Variants in TSHZ3 observed in about 807,000 individuals in gnomAD.
TSHZ3 encodes teashirt zinc finger homeobox 3, also known as teashirt homolog 3.
A neutral mutation model predicts 64.5 loss-of-function variants in TSHZ3; 10 were observed. The ratio of observed to expected loss-of-function variants is 0.16; its 90% CI spans 0.10 to 0.26. The LOEUF is 0.26. TSHZ3 is among the 10% of genes least tolerant of loss of function. The pLI, the probability that TSHZ3 is intolerant of heterozygous loss-of-function variation, is 1.00. For synonymous variants in TSHZ3, 608 were observed against 593.1 expected, an observed-to-expected ratio of 1.03 and a Z score of -0.36; for missense variants, 1,242 against 1,421.7, an observed-to-expected ratio of 0.87 and a Z score of 2.03.
intron 4 of TSHZ3, among the ~76,000 whole-genome samples, chr19:31,213,706 A>G (rs1468907306): frequency 1.3e-5 from 2 of 152,310 alleles, no homozygotes; most frequent in East Asian, 1.9e-4. Flanking sequence ...CTTGTGAACC[A>G]AAAACTGAAA....
chr19:31,339,408 C>A (rs114007098), intron 1 of TSHZ3, among the ~76,000 whole-genome samples: 1,831 of 152,166 alleles, frequency 0.012, 38 homozygotes, highest in African/African-American at 0.041. Flanking sequence ...GGCTCTACCC[C>A]CTTCTCCCCT....
intron 1 of TSHZ3, among the ~76,000 whole-genome samples, chr19:31,318,138 T>A (rs546690918): frequency 6.6e-6 from 1 of 152,262 alleles, no homozygotes; most frequent in Non-Finnish European, 1.5e-5. Context: ...CAAAATGTTC[T>A]TGCATAAAAC....
intron 4 of TSHZ3, among the ~76,000 whole-genome samples, chr19:31,212,076 T>C (rs77341905): frequency 6.6e-6 from 1 of 151,520 alleles, no homozygotes; most frequent in Non-Finnish European, 1.5e-5. Flanking sequence ...TTTGATACCA[T>C]AGGAAATTTT....
chr19:31,163,632 G>A (rs1392426817), intron 5 of TSHZ3, among the ~76,000 whole-genome samples: 4 of 152,220 alleles, frequency 2.6e-5, no homozygotes, highest in African/African-American at 7.2e-5. Flanking sequence ...TTGGGAGGCT[G>A]AGGCATGAAA....
intron 5 of TSHZ3, among the ~76,000 whole-genome samples, chr19:31,165,004 G>A (rs1308824737): frequency 1.3e-5 from 2 of 152,218 alleles, no homozygotes; most frequent in East Asian, 1.9e-4. Flanking sequence ...CCACCCTGCC[G>A]AGCCCGTCCC....
intron 1 of TSHZ3, among the ~76,000 whole-genome samples, chr19:31,301,955 G>A (rs55662056): frequency 0.038 from 5,762 of 152,078 alleles, 173 homozygotes; most frequent in African/African-American, 0.081. Flanking sequence ...GTCCCTAGGC[G>A]CCTGTTACAT....
At chr19:31,273,038 CAG>C (rs1293827901), downstream of TSHZ3, among the ~76,000 whole-genome samples, 1 of 152,198 alleles carries the variant, frequency 6.6e-6, no homozygotes, top group Non-Finnish European at 1.5e-5. Context: ...TGTCTTATCT[CAG>C]GGAAACCAGG....
intron 1 of TSHZ3, 56 bp downstream of exon 1, chr19:31,349,124 G>C (rs1461565687): frequency 3.3e-6 from 5 of 1,520,966 alleles, no homozygotes; most frequent in Non-Finnish European, 3.5e-6. Context: ...CTGGAGGCGC[G>C]GGGCGAGCGG....
intron 1 of TSHZ3, among the ~76,000 whole-genome samples, chr19:31,310,771 A>G (rs1599640844): frequency 2.6e-5 from 4 of 152,326 alleles, no homozygotes; most frequent in African/African-American, 9.6e-5. Flanking sequence ...TGAGAATGAA[A>G]GTCCTCTCTT....
intron 5 of TSHZ3, among the ~76,000 whole-genome samples, chr19:31,169,239 A>T (rs1289740140): frequency 6.6e-6 from 1 of 152,246 alleles, no homozygotes; most frequent in Non-Finnish European, 1.5e-5. Flanking sequence ...TCCTCAAAAT[A>T]TTAAACATAG....
chr19:31,186,592 T>C (rs1030199505), intron 5 of TSHZ3, among the ~76,000 whole-genome samples: 1 of 152,226 alleles, frequency 6.6e-6, no homozygotes, highest in Non-Finnish European at 1.5e-5. Flanking sequence ...GTCTTGAATA[T>C]GTCTTTATTA....
At chr19:31,153,622 T>C (rs941418973) in intron 6 of TSHZ3, among the ~76,000 whole-genome samples, 1 of 152,236 alleles carries the variant, frequency 6.6e-6, no homozygotes, top group Non-Finnish European at 1.5e-5. Context: ...TAAATTAAAC[T>C]TTTTGTTGTT....
chr19:31,238,872 C>T (rs1975655449), intron 3 of TSHZ3, among the ~76,000 whole-genome samples: 3 of 152,096 alleles, frequency 2.0e-5, no homozygotes. Context: ...CTTAGTATAT[C>T]TGCATTTTAT....
At chr19:31,155,793 C>T (rs59333885) in intron 6 of TSHZ3, among the ~76,000 whole-genome samples, 3,572 of 152,252 alleles carry the variant, frequency 0.023, 147 homozygotes, top group African/African-American at 0.082. Flanking sequence ...CCTAAATGCT[C>T]CCCTCCATTT....
intron 5 of TSHZ3, among the ~76,000 whole-genome samples, chr19:31,184,195 C>T (rs1012593874): frequency 3.3e-5 from 5 of 152,040 alleles, no homozygotes; most frequent in African/African-American, 9.7e-5. Context: ...TCTGTTAAGA[C>T]GGGATCTTAT....
At chr19:31,166,198 T>A (rs1383694012) in intron 5 of TSHZ3, among the ~76,000 whole-genome samples, 3 of 152,188 alleles carry the variant, frequency 2.0e-5, no homozygotes, top group African/African-American at 7.2e-5. Flanking sequence ...AATGAGCCAC[T>A]GAGAAGAGAG....
downstream of TSHZ3, among the ~76,000 whole-genome samples, chr19:31,270,898 A>G (rs1407875408): frequency 2.6e-5 from 4 of 152,332 alleles, no homozygotes; most frequent in African/African-American, 4.8e-5. Context: ...TTAAGAATAT[A>G]TCAGTACCTG....
chr19:31,335,147 G>T (rs1367622003), intron 1 of TSHZ3, among the ~76,000 whole-genome samples: 2 of 152,144 alleles, frequency 1.3e-5, no homozygotes, highest in Non-Finnish European at 2.9e-5. Flanking sequence ...AGCATTAAAG[G>T]TTGACATTTT....
intron 3 of TSHZ3, among the ~76,000 whole-genome samples, chr19:31,237,739 C>A (rs1465432571): frequency 6.6e-6 from 1 of 152,158 alleles, no homozygotes; most frequent in Non-Finnish European, 1.5e-5. Flanking sequence ...GCAAGCTATA[C>A]ATTCTTTTCG....
Sources: gnomAD v4.1 joint callset for allele counts (sites outside exome capture counted in the v4.1 genomes callset) on GRCh38, gnomAD v4.1.1 for gene constraint, MANE v1.5 for transcripts, NCBI Gene and HGNC (gene_info 2026-07-23, HGNC 2026-07-21) for gene names.